LARGE1: variants seen among roughly 807,000 people sequenced by gnomAD.
The protein encoded by LARGE1 is LARGE xylosyl- and glucuronyltransferase 1, also known as xylosyl- and glucuronyltransferase LARGE1.
In LARGE1, 43 loss-of-function variants were observed where a neutral mutation model predicts 87.6. The ratio of observed to expected loss-of-function variants is 0.49; its 90% confidence interval spans 0.38 to 0.63. LARGE1 has a LOEUF of 0.63. Ranked by LOEUF, LARGE1 falls within the 30% of genes least tolerant of loss-of-function variation. LARGE1 has a pLI of 0.00. For missense variants in LARGE1, 802 were observed against 1,000.2 expected (o/e 0.80, Z 2.67); for synonymous variants, 434 against 394.6 (o/e 1.10, Z -1.18).
At chr22:33,278,172 A>G (rs1929704840) in intron 13 of LARGE1, among the ~76,000 whole-genome samples, 1 of 152,202 alleles carries the variant, frequency 6.6e-6, no homozygotes, top group African/African-American at 2.4e-5. Context: ...GGAGCTGCCT[A>G]TGGGGGCCAT....
At chr22:33,245,969 A>G (rs1926739290) in intron 11 of LARGE1, among the ~76,000 whole-genome samples, 1 of 152,240 alleles carries the variant, frequency 6.6e-6, no homozygotes, top group Non-Finnish European at 1.5e-5. Flanking sequence ...GTCAATAAAA[A>G]GATAATATGA....
At chr22:33,408,424 T>G (rs917395339) in intron 7 of LARGE1, among the ~76,000 whole-genome samples, 19 of 152,234 alleles carry the variant, frequency 1.2e-4, no homozygotes, top group Non-Finnish European at 1.8e-4. Context: ...CATGTTTTTG[T>G]GTAAGGTCGT....
chr22:33,356,419 CGGTGTTTAACCTTAGGCAA>C (rs960732138), intron 9 of LARGE1, among the ~76,000 whole-genome samples: 1 of 152,182 alleles, frequency 6.6e-6, no homozygotes, highest in African/African-American at 2.4e-5. Flanking sequence ...TGCCACCAAC[CGGTGTTTAACCTTAGGCAA>C]GGTGTTTAAC....
At chr22:33,794,247 C>T (rs1448768865) in intron 1 of LARGE1, among the ~76,000 whole-genome samples, 1 of 152,136 alleles carries the variant, frequency 6.6e-6, no homozygotes, top group Admixed American at 6.5e-5. Flanking sequence ...TTCCCAAACA[C>T]TAGACCACAA....
chr22:33,469,495 G>C (rs1286352991), intron 6 of LARGE1, among the ~76,000 whole-genome samples: 1 of 152,082 alleles, frequency 6.6e-6, no homozygotes, highest in Non-Finnish European at 1.5e-5. Flanking sequence ...ACAAAGAAGA[G>C]AACAGAAAAC....
chr22:33,798,102 G>A (rs111424024), intron 1 of LARGE1, among the ~76,000 whole-genome samples: 2,974 of 152,150 alleles, frequency 0.02, 85 homozygotes, highest in African/African-American at 0.066. Context: ...GCGAAAACCC[G>A]TCTCTACTGA....
chr22:33,098,163 C>G, the LARGE1 span, among the ~76,000 whole-genome samples: 1 of 152,180 alleles, frequency 6.6e-6, no homozygotes, highest in African/African-American at 2.4e-5. Flanking sequence ...AAAAAATTAG[C>G]CGGGCATGGT....
intron 2 of LARGE1, among the ~76,000 whole-genome samples, chr22:33,660,772 T>C (rs2081099404): frequency 6.6e-6 from 1 of 152,260 alleles, no homozygotes; most frequent in Non-Finnish European, 1.5e-5. Context: ...CTATTTACTA[T>C]AAAATCAAAT....
intron 11 of LARGE1, among the ~76,000 whole-genome samples, chr22:33,238,441 A>T (rs1926357698): frequency 6.6e-6 from 1 of 152,194 alleles, no homozygotes; most frequent in Admixed American, 6.5e-5. Flanking sequence ...CTAGGAACTG[A>T]TATATTTAGT....
intron 6 of LARGE1, among the ~76,000 whole-genome samples, chr22:33,476,984 T>C (rs1002753812): frequency 5.9e-5 from 9 of 152,292 alleles, no homozygotes; most frequent in African/African-American, 1.9e-4. Context: ...GTGGGGAGCC[T>C]TCTGAGCCTG....
At chr22:33,698,952 C>T (rs998304109) in intron 2 of LARGE1, among the ~76,000 whole-genome samples, 10 of 152,188 alleles carry the variant, frequency 6.6e-5, no homozygotes, top group Non-Finnish European at 1.3e-4. Context: ...CACTGATTAT[C>T]CCCTGGTGAC....
intron 2 of LARGE1, among the ~76,000 whole-genome samples, chr22:33,720,774 T>C (rs2083072237): frequency 6.6e-6 from 1 of 152,180 alleles, no homozygotes; most frequent in African/African-American, 2.4e-5. Flanking sequence ...AAGTGTAGAC[T>C]GACTTAAGCC....
chr22:33,441,127 T>G (rs2067460210), intron 6 of LARGE1, among the ~76,000 whole-genome samples: 2 of 141,250 alleles, frequency 1.4e-5, no homozygotes, highest in East Asian at 4.1e-4. Flanking sequence ...GAGGCTGGAG[T>G]GCAATGGTAC....
chr22:33,416,933 A>G (rs1363666921), intron 7 of LARGE1, among the ~76,000 whole-genome samples: 2 of 70,046 alleles, frequency 2.9e-5, no homozygotes, highest in African/African-American at 2.5e-4. Context: ...TTTGAGACAG[A>G]GTCTCGCTGT....
At chr22:33,808,639 C>T (rs1323228765) in intron 1 of LARGE1, among the ~76,000 whole-genome samples, 3 of 152,236 alleles carry the variant, frequency 2.0e-5, no homozygotes. Flanking sequence ...CCTGACAATG[C>T]TCACCACCCC....
chr22:33,896,857 C>G (rs1030759778), intron 1 of LARGE1, among the ~76,000 whole-genome samples: 1 of 152,172 alleles, frequency 6.6e-6, no homozygotes, highest in Non-Finnish European at 1.5e-5. Flanking sequence ...TGCTCTCCCC[C>G]AGCTGTGCTA....
At chr22:33,380,629 C>T (rs1026718372) in intron 9 of LARGE1, among the ~76,000 whole-genome samples, 11 of 152,166 alleles carry the variant, frequency 7.2e-5, no homozygotes, top group African/African-American at 2.7e-4. Flanking sequence ...AAATGAAAAG[C>T]AGAAAACCAC....
rs752933044 is a variant in LARGE1, at chr22:33,861,292, G to A, written c.-83+58703C>T. Among the ~76,000 whole-genome samples the A allele has an allele frequency of 8.8e-4, 134 of 151,864 alleles. 2 individuals carry two copies. The highest frequency in any genetic ancestry group is 1.5e-3 in the Non-Finnish European group (100 of 67,994). ...GGTGGCCGAGTACAGCCACCACCTG[G>A]GCTAAGCATGCCAGCCTTTGCTAAC... is the stretch of plus-strand genomic sequence containing the variant. On this transcript the variant is annotated intron_variant, in intron 1 of 14. Coordinates refer to ENST00000397394, the MANE Select transcript of LARGE1 (RefSeq NM_133642.5).
At chr22:33,684,973 T>G (rs1295176146) in intron 2 of LARGE1, among the ~76,000 whole-genome samples, 1 of 152,138 alleles carries the variant, frequency 6.6e-6, no homozygotes, top group South Asian at 2.1e-4. Context: ...TTTTCAGGTG[T>G]ATGGGGGGTG....
Sources: gnomAD v4.1 joint callset for allele counts (sites outside exome capture counted in the v4.1 genomes callset) on GRCh38, gnomAD v4.1.1 for gene constraint, MANE v1.5 for transcripts, NCBI Gene and HGNC (gene_info 2026-07-23, HGNC 2026-07-21) for gene names.